The following MYO9A variants were observed in gnomAD, a reference collection of about 807,000 sequenced individuals.
MYO9A encodes unconventional myosin-IXa.
MYO9A carries 103 observed loss-of-function variants against 293.3 expected under a neutral mutation model. That is an observed-to-expected ratio of 0.35 (90% CI 0.30 to 0.41). The LOEUF (loss-of-function observed/expected upper bound fraction) is 0.41, where lower values mean the gene tolerates loss of function less well. Ranked by LOEUF, MYO9A falls within the 10% of genes least tolerant of loss-of-function variation. The pLI is 1.00. For missense variants in MYO9A, 2,685 were observed against 3,033.0 expected (o/e 0.89, Z 2.69); for synonymous variants, 1,001 against 1,035.7 (o/e 0.97, Z 0.64).
intron 39 of MYO9A, among the ~76,000 whole-genome samples, chr15:71,841,681 T>G (rs2055165854): frequency 6.6e-6 from 1 of 152,030 alleles, no homozygotes; most frequent in Non-Finnish European, 1.5e-5. Flanking sequence ...TCTCCCCCTG[T>G]CACCCAGGCT....
intron 26 of MYO9A, chr15:71,891,393 G>A (rs1414001489): frequency 6.6e-6 from 1 of 152,210 alleles, no homozygotes; most frequent in East Asian, 1.9e-4. Flanking sequence ...ACTAAGGGTT[G>A]TTACAAAGGA....
intron 15 of MYO9A, among the ~76,000 whole-genome samples, chr15:71,946,655 G>C (rs1194843232): frequency 1.3e-5 from 2 of 152,198 alleles, no homozygotes; most frequent in Non-Finnish European, 2.9e-5. Context: ...AACAAAATTA[G>C]AACTTCAGTT....
At chr15:72,075,520 T>C (rs1384623896) in intron 1 of MYO9A, among the ~76,000 whole-genome samples, 1 of 151,910 alleles carries the variant, frequency 6.6e-6, no homozygotes, top group Non-Finnish European at 1.5e-5. Flanking sequence ...AAGAGCCAAA[T>C]GGAAATTCTC....
chr15:71,930,160 G>A (rs1316721422), intron 18 of MYO9A, among the ~76,000 whole-genome samples: 5 of 152,160 alleles, frequency 3.3e-5, no homozygotes, highest in Non-Finnish European at 5.9e-5. Context: ...TGCTTCAGAC[G>A]AATGTGTATT....
chr15:71,905,000 A>G lies in MYO9A; in HGVS notation c.2692T>C (p.Leu898=). 6.2e-7 allele frequency: 1 copy of G among 1,601,460 alleles called. No individual in the cohort carries two copies. The highest frequency in any genetic ancestry group is 2.2e-5 in the East Asian group (1 of 44,590). The change falls in exon 20 of 42, where the codon TTA becomes CTA. Residue 898 remains leucine (L), a synonymous_variant. Transcript: ENST00000356056. ...CCAAGTGTTTCCATTAGCTTGCTTA[A>G]TGATGCCTGCAACAGAAAGCAATAT... ...PSISAQFQAS[L]SKLMETLGQA...
intron 7 of MYO9A, 22 bp from the exon 8 acceptor site, chr15:72,007,974 T>C (rs1322374574): frequency 2.5e-6 from 4 of 1,604,376 alleles, no homozygotes; most frequent in Admixed American, 1.7e-5. Flanking sequence ...AAACACAAAT[T>C]ATAGCTTAGT....
chr15:72,032,980 A>G (rs1451136959), intron 2 of MYO9A, among the ~76,000 whole-genome samples: 1 of 152,096 alleles, frequency 6.6e-6, no homozygotes, highest in Non-Finnish European at 1.5e-5. Context: ...CCTCCCGAGT[A>G]GCTGGGACTA....
chr15:72,113,495 T>A (rs549016478), intron 1 of MYO9A, among the ~76,000 whole-genome samples: 1 of 152,162 alleles, frequency 6.6e-6, no homozygotes, highest in Non-Finnish European at 1.5e-5. Context: ...GAATTAAGAG[T>A]TAGATCATGA....
intron 15 of MYO9A, among the ~76,000 whole-genome samples, chr15:71,942,898 T>C (rs2058815521): frequency 6.6e-6 from 1 of 152,068 alleles, no homozygotes; most frequent in Admixed American, 6.5e-5. Context: ...TGGGTTCAGC[T>C]TCTATCTTGC....
rs781543743 is a variant in MYO9A at position 71,938,883 on chromosome 15, C to T, written c.2347G>A (p.Gly783Ser). ...NPRTPLSDLQ[G>S]MNALNEKNQH... ...TTTTTTTCATTTAGAGCATTCATGC[C>T]CTGGAGATCAGAAAGAGGTGTTCTG... The change falls in exon 16 of 42, where the codon GGC becomes AGC. Residue 783 changes from glycine to serine, a missense_variant. By Grantham distance (56) the Gly-to-Ser change is moderately conservative. Around this residue, in one of 10 missense-constraint regions of MYO9A, gnomAD observed 1,434 missense variants for 1,497.7 expected, o/e 0.96. Coordinates refer to ENST00000356056, the MANE Select transcript of MYO9A (RefSeq NM_006901.4). The T allele has an allele frequency of 8.1e-6, 13 of 1,610,350 alleles. No homozygotes were observed. Among genetic ancestry groups the T allele is most frequent in the Non-Finnish European group, 1.1e-5 (13 of 1,178,572 alleles).
intron 2 of MYO9A, chr15:72,039,919 T>C: frequency 5.7e-6 from 1 of 174,142 alleles, no homozygotes; most frequent in Non-Finnish European, 1.2e-5. Context: ...CAGCCTCCGT[T>C]CCTCTGTGAT....
chr15:72,117,901 A>G lies in MYO9A; in HGVS notation c.-293T>C, dbSNP rs1209623753. 5 of 398,242 alleles carry G rather than the reference A, an allele frequency of 1.3e-5. No individual in the cohort carries two copies. Among genetic ancestry groups the G allele is most frequent in the Non-Finnish European group, 2.2e-5 (5 of 225,962 alleles). 24.7% of individuals were successfully genotyped at this position (398,242 alleles called of 1,614,324 possible). A position where few individuals can be genotyped will look rare whatever the true frequency, so the allele number is the denominator to read the frequency against. On this transcript the variant is annotated 5_prime_UTR_variant, in exon 1 of 42. An upstream start codon of the reference 5' UTR is lost. Transcript: ENST00000356056. The stretch of plus-strand genomic sequence containing the variant: ...GACTCCGCCCGGCCTGAGCAGGCAC[A>G]TCCCCCGCCGCACCCCGCCCAGAGA...
intron 15 of MYO9A, among the ~76,000 whole-genome samples, chr15:71,947,972 T>C (rs908304148): frequency 6.6e-6 from 1 of 152,212 alleles, no homozygotes; most frequent in African/African-American, 2.4e-5. Context: ...TCCTCACTCC[T>C]CTAATTTCCT....
At chr15:71,944,870 A>G (rs529846780) in intron 15 of MYO9A, among the ~76,000 whole-genome samples, 21 of 152,322 alleles carry the variant, frequency 1.4e-4, no homozygotes, top group African/African-American at 5.1e-4. Context: ...CTACCAAAAA[A>G]TCTGCTATTA....
At chr15:72,116,458 G>A (rs561640342) in intron 1 of MYO9A, among the ~76,000 whole-genome samples, 1 of 152,182 alleles carries the variant, frequency 6.6e-6, no homozygotes, top group East Asian at 1.9e-4. Context: ...TGAGAAGGCT[G>A]TTGTTGGTAA....
At position 72,012,529 on chromosome 15, in the gene MYO9A, CT is replaced by C. The variant is rs568948507; in HGVS notation, c.1156-2083del. On this transcript the variant is annotated intron_variant, in intron 6 of 41. Coordinates refer to ENST00000356056, the MANE Select transcript of MYO9A (RefSeq NM_006901.4). ...GCCAGGCTGGTCTCAAACTCCTGACCTCAGGTGATCCACCCGCCTCAGCCTC... is the reference window on the plus strand; with the variant it reads ...GCCAGGCTGGTCTCAAACTCCTGACCCAGGTGATCCACCCGCCTCAGCCTC... 1.8e-4 allele frequency among the ~76,000 whole-genome samples: 28 copies of C among 152,152 alleles called. No homozygotes were observed. In the South Asian group the frequency reaches 5.8e-3, roughly 32 times the overall value.
At chr15:71,845,285 G>C (rs2055335086) in intron 39 of MYO9A, among the ~76,000 whole-genome samples, 2 of 147,558 alleles carry the variant, frequency 1.4e-5, no homozygotes, top group African/African-American at 5.4e-5. Context: ...GATAATCAGG[G>C]TTAGTAAGCA....
At chr15:72,070,758 C>T (rs2079166973) in intron 1 of MYO9A, among the ~76,000 whole-genome samples, 1 of 152,132 alleles carries the variant, frequency 6.6e-6, no homozygotes, top group Admixed American at 6.6e-5. Context: ...CACATACCTA[C>T]AACCAACTGA....
intron 1 of MYO9A, among the ~76,000 whole-genome samples, chr15:72,059,584 T>C (rs1286973068): frequency 1.3e-5 from 2 of 152,204 alleles, no homozygotes; most frequent in African/African-American, 4.8e-5. Flanking sequence ...TAAAACTTAC[T>C]AAAAGAAAAG....
Sources: allele counts gnomAD v4.1 joint callset (sites outside exome capture counted in the v4.1 genomes callset), GRCh38; gene constraint gnomAD v4.1.1; regional missense constraint gnomAD v4.1.1; transcripts MANE v1.5; gene names NCBI Gene and HGNC (gene_info 2026-07-23, HGNC 2026-07-21).